FAR2: variants seen among roughly 807,000 people sequenced by gnomAD.
FAR2 encodes the protein epididymis secretory protein Li 81.
FAR2 carries 19 observed loss-of-function variants against 56.0 expected under a neutral mutation model. The observed-to-expected ratio is 0.34, with a 90% CI of 0.24 to 0.50. The LOEUF (loss-of-function observed/expected upper bound fraction) is 0.50, where lower values mean the gene tolerates loss of function less well. Among genes scored for constraint, FAR2 ranks in the 20% least tolerant of loss-of-function variants. FAR2 has a pLI of 0.98. For missense variants in FAR2, 508 were observed against 642.2 expected (o/e 0.79, Z 2.26); for synonymous variants, 219 against 218.8 (o/e 1.00, Z -0.01).
intron 1 of FAR2, among the ~76,000 whole-genome samples, chr12:29,164,206 G>A (rs775407870): frequency 2.6e-5 from 4 of 152,146 alleles, no homozygotes; most frequent in African/African-American, 9.7e-5. Context: ...GAACAATCAG[G>A]AATTGCATAG....
chr12:29,208,898 T>C (rs1947508300), intron 1 of FAR2, among the ~76,000 whole-genome samples: 1 of 152,098 alleles, frequency 6.6e-6, no homozygotes, highest in Non-Finnish European at 1.5e-5. Flanking sequence ...AATGTTCCAA[T>C]GGCAAAATGC....
chr12:29,317,124 C>T, intron 9 of FAR2, 112 bp downstream of exon 9: 1 of 1,162,592 alleles, frequency 8.6e-7, no homozygotes, highest in Admixed American at 2.4e-5. Context: ...GAATCTTACC[C>T]ATATATACAG....
intron 4 of FAR2, among the ~76,000 whole-genome samples, chr12:29,299,729 T>C (rs1949130107): frequency 6.6e-6 from 1 of 152,224 alleles, no homozygotes; most frequent in African/African-American, 2.4e-5. Context: ...AGTCCTCCCC[T>C]TACTTTCATG....
At chr12:29,261,139 C>A (rs935017502) in intron 1 of FAR2, among the ~76,000 whole-genome samples, 2 of 152,130 alleles carry the variant, frequency 1.3e-5, no homozygotes, top group Admixed American at 1.3e-4. Flanking sequence ...GAAAACATAA[C>A]CTCACTAAAC....
chr12:29,216,516 A>G (rs966343404), intron 1 of FAR2, among the ~76,000 whole-genome samples: 1 of 152,176 alleles, frequency 6.6e-6, no homozygotes, highest in African/African-American at 2.4e-5. Flanking sequence ...TGTCATTTTA[A>G]GCCTGATTCA....
intron 1 of FAR2, among the ~76,000 whole-genome samples, chr12:29,162,414 A>G (rs1381471390): frequency 5.3e-5 from 8 of 152,232 alleles, no homozygotes; most frequent in African/African-American, 1.9e-4. Context: ...GTCATTTAAA[A>G]CATATCTCAC....
chr12:29,252,150 G>C (rs778770143), intron 1 of FAR2, among the ~76,000 whole-genome samples: 1 of 152,142 alleles, frequency 6.6e-6, no homozygotes, highest in South Asian at 2.1e-4. Flanking sequence ...TGACTACTAG[G>C]GGAAAATGGA....
intron 1 of FAR2, among the ~76,000 whole-genome samples, chr12:29,207,708 A>G (rs1947491995): frequency 6.6e-6 from 1 of 152,194 alleles, no homozygotes; most frequent in Non-Finnish European, 1.5e-5. Flanking sequence ...AGATAGACAG[A>G]TGATACATAG....
At chr12:29,251,254 C>T (rs531133193) in intron 1 of FAR2, among the ~76,000 whole-genome samples, 34 of 152,314 alleles carry the variant, frequency 2.2e-4, no homozygotes, top group African/African-American at 7.2e-4. Flanking sequence ...GACCTAGAAC[C>T]TTTTGAATGA....
chr12:29,220,126 C>T (rs1321331804), intron 1 of FAR2, among the ~76,000 whole-genome samples: 1 of 152,140 alleles, frequency 6.6e-6, no homozygotes, highest in East Asian at 1.9e-4. Flanking sequence ...GCACTAGAAC[C>T]CAGGGCTTTG....
Position 29,248,317 on chromosome 12 carries a change from G to T in FAR2, c.-38-22095G>T, listed in dbSNP as rs531299403. Among the ~76,000 whole-genome samples the T allele has an allele frequency of 2.6e-5, 4 of 152,242 alleles. No homozygotes were observed. In the South Asian group the frequency reaches 8.3e-4, roughly 32 times the overall value. ...TTTCCTTAAGCATCGGCCAGCTTGAGAAATAAAGGGACAGAGTACAAAAGA... is the reference window on the plus strand; with the variant it reads ...TTTCCTTAAGCATCGGCCAGCTTGATAAATAAAGGGACAGAGTACAAAAGA... On this transcript the variant is annotated intron_variant, in intron 1 of 11. Coordinates refer to ENST00000536681, the MANE Select transcript of FAR2 (RefSeq NM_001271783.2).
intron 1 of FAR2, among the ~76,000 whole-genome samples, chr12:29,185,339 T>A (rs1262160870): frequency 6.6e-6 from 1 of 152,254 alleles, no homozygotes; most frequent in Non-Finnish European, 1.5e-5. Context: ...TTGGTATCTA[T>A]TGTTCATTTG....
chr12:29,302,236 GAAAAAAAAAAAAAAA>G (rs57752714), intron 4 of FAR2, among the ~76,000 whole-genome samples: 3 of 93,098 alleles, frequency 3.2e-5, no homozygotes, highest in African/African-American at 1.2e-4. Flanking sequence ...CATCTCAAAG[GAAAAAAAAAAAAAAA>G]AAAAAAAAAA....
intron 1 of FAR2, among the ~76,000 whole-genome samples, chr12:29,215,941 G>T (rs1947616343): frequency 6.6e-6 from 1 of 152,064 alleles, no homozygotes; most frequent in African/African-American, 2.4e-5. Context: ...TCCTCCTAGG[G>T]TTCACCCTTC....
At chr12:29,227,491 A>G (rs771514144) in intron 1 of FAR2, among the ~76,000 whole-genome samples, 45 of 151,978 alleles carry the variant, frequency 3.0e-4, no homozygotes, top group Non-Finnish European at 4.6e-4. Context: ...GTTATGAGGA[A>G]GAAGTAGGTC....
At chr12:29,209,481 G>A (rs545391487) in intron 1 of FAR2, among the ~76,000 whole-genome samples, 1 of 152,164 alleles carries the variant, frequency 6.6e-6, no homozygotes, top group Non-Finnish European at 1.5e-5. Context: ...CAAAGGTCAG[G>A]TTGGGTCAGT....
intron 8 of FAR2, 144 bp downstream of exon 8, chr12:29,312,094 T>C (rs1485039524): frequency 1.7e-6 from 1 of 587,626 alleles, no homozygotes; most frequent in African/African-American, 1.9e-5. Flanking sequence ...AAATTGTAAA[T>C]GTGTGATAGT....
At chr12:29,166,370 T>G (rs190747595) in intron 1 of FAR2, among the ~76,000 whole-genome samples, 1 of 152,350 alleles carries the variant, frequency 6.6e-6, no homozygotes, top group East Asian at 1.9e-4. Flanking sequence ...CATTATTTTA[T>G]GTGAGTCCCT....
At chr12:29,277,934 T>TTC (rs552370909) in intron 2 of FAR2, 2 of 110,004 alleles carry the variant, frequency 1.8e-5, no homozygotes, top group East Asian at 4.8e-4. Flanking sequence ...TTTTCTTTCT[T>TTC]TTTTTTTTTT....
Sources: allele counts gnomAD v4.1 joint callset (sites outside exome capture counted in the v4.1 genomes callset), GRCh38; gene constraint gnomAD v4.1.1; transcripts MANE v1.5; gene names NCBI Gene and HGNC (gene_info 2026-07-23, HGNC 2026-07-21).